FREM1: variants seen among roughly 807,000 people sequenced by gnomAD.
FREM1 encodes FRAS1 related extracellular matrix 1.
In FREM1, 220 loss-of-function variants were observed where a neutral mutation model predicts 210.1. The ratio of observed to expected loss-of-function variants is 1.05; its 90% CI spans 0.94 to 1.17. FREM1 has a LOEUF of 1.17. Among genes scored for constraint, FREM1 ranks in the 50% most tolerant of loss-of-function variants. The pLI is 0.00. For synonymous variants in FREM1, 1,189 were observed against 980.2 expected (o/e 1.21, Z -3.98); for missense variants, 3,454 against 2,675.5 (o/e 1.29, Z -6.42).
intron 1 of FREM1, among the ~76,000 whole-genome samples, chr9:14,884,747 A>G (rs1321322936): frequency 2.0e-5 from 3 of 152,114 alleles, no homozygotes; most frequent in African/African-American, 7.2e-5. Flanking sequence ...ACAGCTCTCA[A>G]TGCAATGGAA....
rs867684153 is a variant in FREM1 at position 14,860,997 on chromosome 9, A to G, written c.330-1513T>C. Among the ~76,000 whole-genome samples the G allele has an allele frequency of 2.2e-3, 271 of 124,978 alleles. 8 individuals carry two copies. Among genetic ancestry groups the G allele is most frequent in the African/African-American group, 9.5e-3 (255 of 26,906 alleles). 82.0% of individuals were successfully genotyped at this position (124,978 alleles called of 152,430 possible). A position where few individuals can be genotyped will look rare whatever the true frequency, so the allele number is the denominator to read the frequency against. Reference sequence around the variant, plus strand: ...TACATATATACACATATATACATATATATACACATATATACATATATACAC... The same window carrying G: ...TACATATATACACATATATACATATGTATACACATATATACATATATACAC... On this transcript the variant is annotated intron_variant, in intron 3 of 36. Transcript: ENST00000380880.
chr9:14,776,289 C>T, intron 24 of FREM1, 86 bp from the exon 25 acceptor site: 2 of 1,392,470 alleles, frequency 1.4e-6, no homozygotes, highest in Non-Finnish European at 1.9e-6. Flanking sequence ...CACACCTTTA[C>T]TAAAGGGTAT....
At chr9:14,759,299 G>A (rs1457894777) in intron 28 of FREM1, among the ~76,000 whole-genome samples, 3 of 151,972 alleles carry the variant, frequency 2.0e-5, no homozygotes, top group Admixed American at 6.6e-5. Context: ...TGCCTGAGGT[G>A]AGGAGTTCGA....
At chr9:14,749,489 C>G (rs1442069784) in intron 30 of FREM1, among the ~76,000 whole-genome samples, 1 of 152,048 alleles carries the variant, frequency 6.6e-6, no homozygotes, top group Non-Finnish European at 1.5e-5. Flanking sequence ...GGTACGAACA[C>G]TCGTCAAATG....
intron 1 of FREM1, among the ~76,000 whole-genome samples, chr9:14,895,671 A>C (rs1837582729): frequency 6.6e-6 from 1 of 151,954 alleles, no homozygotes; most frequent in Non-Finnish European, 1.5e-5. Context: ...GAAATGCAGA[A>C]TAAGCCTACT....
At position 14,784,629 on chromosome 9, in the gene FREM1, T is replaced by C. The variant is rs761816853; in HGVS notation, c.4183A>G (p.Ile1395Val). Residue 1395 changes from isoleucine to valine, a missense_variant, in exon 24 of 37, where the codon ATT (isoleucine) becomes GTT (valine). Coordinates refer to ENST00000380880, the MANE Select transcript of FREM1 (RefSeq NM_001379081.2). ...ACGAGTGGTTTTGTAAGGATGACAA[T>C]ATCACCTACATGACATAAGAGGTTA... Reference protein sequence around the residue: ...ITIKDMEKGDIVILTKPLVVS... With the variant: ...ITIKDMEKGDVVILTKPLVVS... 35 of 1,571,010 alleles carry C rather than the reference T, an allele frequency of 2.2e-5. No homozygotes were observed. The African/African-American group carries it at 4.0e-4, about 18-fold the overall frequency.
chr9:14,792,757 G>A lies in FREM1; in HGVS notation c.3967C>T (p.Gln1323Ter). ...YVFERLPQNG[Q>*]LQLKIGRDWV... ...AAGTCACTAACCTTAAGCTGAAGTT[G>A]CCCATTTTGGGGAAGCCTTTCAAAT... The change falls in exon 22 of 37, where the codon CAA becomes TAA. Residue 1323 changes from glutamine (Q) to a stop codon, truncating the protein, a stop_gained. Transcript: ENST00000380880. LOFTEE classifies it high-confidence loss of function. The A allele has an allele frequency of 6.3e-7, 1 of 1,595,158 alleles. No individual in the cohort carries two copies. The highest frequency in any genetic ancestry group is 8.5e-7 in the Non-Finnish European group (1 of 1,173,130).
In FREM1 at chr9:14,782,342, C is replaced by T. The variant is rs954956688; in HGVS notation, c.4442+2028G>A. ...AATCGTTTCATACGGAGGTTTTGTTCTTTATTCTCACCATTCGATTAATAT... is the reference window on the plus strand; with the variant it reads ...AATCGTTTCATACGGAGGTTTTGTTTTTTATTCTCACCATTCGATTAATAT... On this transcript the variant is annotated intron_variant, in intron 24 of 36. Transcript: ENST00000380880. 22 of 982,242 alleles carry T rather than the reference C, an allele frequency of 2.2e-5. No individual in the cohort carries two copies. In the African/African-American group the frequency reaches 3.5e-4, roughly 16 times the overall value. 60.8% of individuals were successfully genotyped at this position (982,242 alleles called of 1,614,324 possible).
At chr9:14,772,387 G>C (rs866478835) in intron 25 of FREM1, among the ~76,000 whole-genome samples, 1 of 152,046 alleles carries the variant, frequency 6.6e-6, no homozygotes, top group Non-Finnish European at 1.5e-5. Context: ...AATATGATTA[G>C]TTATCAAGAA....
chr9:14,865,706 C>A (rs1831393896), intron 2 of FREM1, among the ~76,000 whole-genome samples: 1 of 140,128 alleles, frequency 7.1e-6, no homozygotes, highest in South Asian at 2.3e-4. Context: ...TGTGCACATG[C>A]ACTTAGCTAT....
chr9:14,867,687 T>C (rs939078579), intron 2 of FREM1, among the ~76,000 whole-genome samples: 3 of 152,244 alleles, frequency 2.0e-5, no homozygotes, highest in Non-Finnish European at 4.4e-5. Context: ...CCTCGTGGAT[T>C]AGTTTTCTTT....
At chr9:14,765,859 T>C (rs570594168) in intron 27 of FREM1, among the ~76,000 whole-genome samples, 3 of 152,324 alleles carry the variant, frequency 2.0e-5, no homozygotes, top group African/African-American at 7.2e-5. Flanking sequence ...TTTTCTCCAG[T>C]GGGCACAAGA....
chr9:14,811,434 T>C (rs1207805050), intron 16 of FREM1, among the ~76,000 whole-genome samples: 1 of 152,184 alleles, frequency 6.6e-6, no homozygotes, highest in African/African-American at 2.4e-5. Flanking sequence ...ATAACAATCA[T>C]TGGTCTTTGG....
At chr9:14,826,344 G>A (rs12377669) in intron 10 of FREM1, among the ~76,000 whole-genome samples, 29,513 of 152,018 alleles carry the variant, frequency 0.19, 2,967 homozygotes, top group Middle Eastern at 0.26. Context: ...CGCCCTCCTT[G>A]GCCTCCCAAA....
chr9:14,861,149 A>ATG lies in FREM1; in HGVS notation c.330-1666_330-1665insCA, dbSNP rs1491241120. ...TATACACATATATACATATATACAC[A>ATG]TATATACGTATATACACATGTATGT... is the stretch of plus-strand genomic sequence containing the variant. On this transcript the variant is annotated intron_variant, in intron 3 of 36. Transcript: ENST00000380880. Among the ~76,000 whole-genome samples, 165 of 108,434 alleles carry ATG rather than the reference A, an allele frequency of 1.5e-3. 3 individuals carry two copies. Among genetic ancestry groups the ATG allele is most frequent in the Middle Eastern group, 5.5e-3 (1 of 182 alleles). The allele number at this position is 108,434 out of a possible 152,430, so 71.1% of individuals were successfully genotyped here.
At chr9:14,805,446 C>T (rs995876750) in intron 18 of FREM1, among the ~76,000 whole-genome samples, 3 of 152,200 alleles carry the variant, frequency 2.0e-5, no homozygotes, top group African/African-American at 7.2e-5. Context: ...GAATAAATGT[C>T]GGAGACCTTC....
At chr9:14,879,069 A>G (rs1474706808) in intron 1 of FREM1, among the ~76,000 whole-genome samples, 2 of 151,586 alleles carry the variant, frequency 1.3e-5, no homozygotes, top group East Asian at 3.9e-4. Context: ...AGGCAGGAGA[A>G]CGACTTGAAC....
chr9:14,870,700 A>G (rs1007430951), intron 1 of FREM1, among the ~76,000 whole-genome samples: 3 of 151,894 alleles, frequency 2.0e-5, no homozygotes, highest in Middle Eastern at 3.4e-3. Context: ...CATGTGCACA[A>G]TGTGCAGGTT....
chr9:14,747,554 C>T (rs1842692628), intron 32 of FREM1, 126 bp from the exon 33 acceptor site: 1 of 1,076,928 alleles, frequency 9.3e-7, no homozygotes, highest in Non-Finnish European at 1.3e-6. Flanking sequence ...TCTGAACACC[C>T]AAGCCTCTAA....
Sources: gnomAD v4.1 joint callset for allele counts (sites outside exome capture counted in the v4.1 genomes callset) on GRCh38, gnomAD v4.1.1 for gene constraint, MANE v1.5 for transcripts, NCBI Gene and HGNC (gene_info 2026-07-23, HGNC 2026-07-21) for gene names.